RBFOX1: variants seen among roughly 807,000 people sequenced by gnomAD.
RBFOX1 encodes the protein RNA binding fox-1 homolog 1, also known as RNA binding protein fox-1 homolog 1.
In RBFOX1, 8 loss-of-function variants were observed where a neutral mutation model predicts 57.7. The ratio of observed to expected loss-of-function variants is 0.14; its 90% CI spans 0.08 to 0.25. RBFOX1 has a LOEUF of 0.25. Among genes scored for constraint, RBFOX1 ranks in the 10% least tolerant of loss-of-function variants. RBFOX1 has a pLI of 1.00. For missense variants in RBFOX1, 611 were observed against 548.5 expected (o/e 1.11, Z -1.14); for synonymous variants, 326 against 222.4 (o/e 1.47, Z -4.15).
chr16:6,243,432 T>C lies in RBFOX1; in HGVS notation c.-126-73563T>C, dbSNP rs74005028. ...GTTATAAGTGCACTTACAGTCATGG[T>C]GCTGCTGTTTAAGCTTACGGTTTAT... On this transcript the variant is annotated intron_variant, in intron 1 of 15. Coordinates refer to ENST00000550418, the MANE Select transcript of RBFOX1 (RefSeq NM_018723.4). Among the ~76,000 whole-genome samples the C allele has an allele frequency of 1.8e-3, 271 of 152,310 alleles. 2 individuals are homozygous for C. Among genetic ancestry groups the C allele is most frequent in the African/African-American group, 4.7e-3 (195 of 41,566 alleles).
intron 4 of RBFOX1, among the ~76,000 whole-genome samples, chr16:7,173,861 C>T (rs575542438): frequency 1.3e-5 from 2 of 152,314 alleles, no homozygotes; most frequent in African/African-American, 4.8e-5. Context: ...TCATAAGACA[C>T]ACGTTAAATA....
intron 3 of RBFOX1, among the ~76,000 whole-genome samples, chr16:5,778,935 C>G (rs750849630): frequency 3.9e-5 from 6 of 152,144 alleles, no homozygotes; most frequent in Non-Finnish European, 8.8e-5. Flanking sequence ...ATATAAAGCA[C>G]TCAATTTTTT....
Position 6,947,473 on chromosome 16 carries a change from C to G in RBFOX1, c.-15-104584C>G, listed in dbSNP as rs190411417. ...TTTCATCCGGCTGAGAACATATGTT[C>G]TTGGGAAGGATGTAGGAACACCCTG... On this transcript the variant is annotated intron_variant, in intron 3 of 15. Transcript: ENST00000550418. 2.4e-4 allele frequency among the ~76,000 whole-genome samples: 36 copies of G among 152,274 alleles called. 1 individual carries two copies. The highest frequency in any genetic ancestry group is 8.7e-4 in the African/African-American group (36 of 41,554).
intron 4 of RBFOX1, among the ~76,000 whole-genome samples, chr16:7,425,353 C>T (rs927906860): frequency 1.3e-5 from 2 of 152,128 alleles, no homozygotes; most frequent in Non-Finnish European, 2.9e-5. Context: ...CTTTTACCTA[C>T]GAGTTACCTT....
At chr16:7,227,147 G>A (rs2093176498) in intron 4 of RBFOX1, among the ~76,000 whole-genome samples, 1 of 152,046 alleles carries the variant, frequency 6.6e-6, no homozygotes, top group Non-Finnish European at 1.5e-5. Context: ...TGGAGTAATA[G>A]TACCCCATTA....
chr16:5,903,340 T>C (rs1389825461), intron 4 of RBFOX1, among the ~76,000 whole-genome samples: 2 of 152,178 alleles, frequency 1.3e-5, no homozygotes, highest in Non-Finnish European at 2.9e-5. Context: ...ACCTGTCCTC[T>C]GAGAAGTCAT....
At chr16:6,182,793 A>T (rs1306069518) in intron 1 of RBFOX1, among the ~76,000 whole-genome samples, 1 of 152,230 alleles carries the variant, frequency 6.6e-6, no homozygotes, top group Non-Finnish European at 1.5e-5. Flanking sequence ...AACATATGTG[A>T]ATATAGTATA....
chr16:6,813,552 G>A (rs897935990), intron 3 of RBFOX1, among the ~76,000 whole-genome samples: 1 of 152,248 alleles, frequency 6.6e-6, no homozygotes. Context: ...TGCTTGTGCT[G>A]AATCTCACTA....
At chr16:7,038,083 C>A (rs1413327516) in intron 3 of RBFOX1, among the ~76,000 whole-genome samples, 2 of 151,128 alleles carry the variant, frequency 1.3e-5, no homozygotes, top group South Asian at 2.1e-4. Flanking sequence ...CCCCACTTGC[C>A]CTCCCCTCCA....
intron 2 of RBFOX1, among the ~76,000 whole-genome samples, chr16:6,397,322 G>T (rs1188091980): frequency 6.6e-6 from 1 of 152,050 alleles, no homozygotes; most frequent in African/African-American, 2.4e-5. Context: ...TCCTACATGG[G>T]GCATAGTGAT....
At chr16:5,319,100 C>G (rs2064324767) in intron 1 of RBFOX1, among the ~76,000 whole-genome samples, 1 of 152,096 alleles carries the variant, frequency 6.6e-6, no homozygotes, top group African/African-American at 2.4e-5. Flanking sequence ...GCACTCCAGC[C>G]TGGGCAACAG....
At chr16:7,561,357 G>A (rs1447290857) in intron 5 of RBFOX1, among the ~76,000 whole-genome samples, 1 of 152,182 alleles carries the variant, frequency 6.6e-6, no homozygotes, top group Admixed American at 6.5e-5. Context: ...TCCCCATCTA[G>A]ATGAAGAGAC....
intron 3 of RBFOX1, among the ~76,000 whole-genome samples, chr16:5,742,070 A>G (rs1177719792): frequency 6.6e-6 from 1 of 152,234 alleles, no homozygotes; most frequent in Admixed American, 6.5e-5. Flanking sequence ...TGCTATATCC[A>G]TATAATGAGA....
chr16:6,733,141 T>C lies in RBFOX1; in HGVS notation c.-16+78491T>C, dbSNP rs559427385. Among the ~76,000 whole-genome samples, 131 of 152,264 alleles carry C rather than the reference T, an allele frequency of 8.6e-4. 1 individual carries two copies. Among genetic ancestry groups the C allele is most frequent in the Middle Eastern group, 3.4e-3 (1 of 294 alleles). ...GCACTGTTGAATGCAAATATCAAAA[T>C]GTGAATAATGAGAACAGCCAACCCC... On this transcript the variant is annotated intron_variant, in intron 3 of 15. Transcript: ENST00000550418.
At chr16:6,648,349 T>G (rs761679208) in intron 2 of RBFOX1, among the ~76,000 whole-genome samples, 6 of 151,736 alleles carry the variant, frequency 4.0e-5, no homozygotes, top group Non-Finnish European at 8.8e-5. Flanking sequence ...GCATGATGCA[T>G]TTTAACTGGC....
At chr16:7,218,301 A>C (rs986483687) in intron 4 of RBFOX1, among the ~76,000 whole-genome samples, 9 of 152,202 alleles carry the variant, frequency 5.9e-5, no homozygotes, top group Non-Finnish European at 1.0e-4. Flanking sequence ...TAATTTAAAA[A>C]TTGCTATAAT....
At chr16:6,308,845 T>G (rs992351398) in intron 1 of RBFOX1, among the ~76,000 whole-genome samples, 26 of 152,244 alleles carry the variant, frequency 1.7e-4, no homozygotes, top group African/African-American at 6.3e-4. Flanking sequence ...CCAAAAGTAT[T>G]TCCCAACTAT....
chr16:6,879,291 C>G (rs1294782587), intron 3 of RBFOX1, among the ~76,000 whole-genome samples: 1 of 152,116 alleles, frequency 6.6e-6, no homozygotes, highest in Non-Finnish European at 1.5e-5. Context: ...AAGGGCAGCC[C>G]AACACTATAT....
chr16:5,921,563 G>T (rs995221488), intron 4 of RBFOX1, among the ~76,000 whole-genome samples: 4 of 152,162 alleles, frequency 2.6e-5, no homozygotes, highest in Non-Finnish European at 4.4e-5. Flanking sequence ...ATTGATAATA[G>T]CAACTATTTC....
Sources: allele counts gnomAD v4.1 joint callset (sites outside exome capture counted in the v4.1 genomes callset), GRCh38; gene constraint gnomAD v4.1.1; transcripts MANE v1.5; gene names NCBI Gene and HGNC (gene_info 2026-07-23, HGNC 2026-07-21).